The following COL19A1 variants were observed in gnomAD, a reference collection of about 807,000 sequenced individuals.
COL19A1 encodes collagen type XIX alpha 1 chain.
In COL19A1, 159 loss-of-function variants were observed where a neutral mutation model predicts 190.2. The observed-to-expected ratio is 0.84, with a 90% CI of 0.73 to 0.95. COL19A1 has a LOEUF of 0.95. Ranked by LOEUF, COL19A1 falls within the 40% of genes least tolerant of loss-of-function variation. COL19A1 has a pLI of 0.00. For synonymous variants in COL19A1, 509 were observed against 458.9 expected (o/e 1.11, Z -1.39); for missense variants, 1,418 against 1,431.9 (o/e 0.99, Z 0.16).
intron 17 of COL19A1, among the ~76,000 whole-genome samples, chr6:70,125,058 C>G (rs1401070021): frequency 6.6e-6 from 1 of 151,840 alleles, no homozygotes; most frequent in African/African-American, 2.4e-5. Flanking sequence ...TTTCCATTGG[C>G]ATTGTCTCCA....
chr6:70,127,625 C>T (rs956232788), intron 17 of COL19A1, among the ~76,000 whole-genome samples: 2 of 152,176 alleles, frequency 1.3e-5, no homozygotes, highest in Non-Finnish European at 2.9e-5. Flanking sequence ...CATGGACTCA[C>T]AATTCCATGT....
At chr6:69,898,776 C>T (rs1184179846) in intron 2 of COL19A1, among the ~76,000 whole-genome samples, 172 bp from the exon 3 acceptor site, 1 of 152,094 alleles carries the variant, frequency 6.6e-6, no homozygotes, top group Non-Finnish European at 1.5e-5. Context: ...CATAAGTAAC[C>T]ACATGTAACC....
rs1209731740 is a variant in COL19A1 at position 70,212,036 on chromosome 6, G to A, written c.*4762G>A. 6.6e-6 allele frequency among the ~76,000 whole-genome samples: 1 copy of A among 152,068 alleles called. No individual in the cohort carries two copies. The highest frequency in any genetic ancestry group is 6.6e-5 in the Admixed American group (1 of 15,244). Reference sequence around the variant, plus strand: ...AAGTGGGAGGCTTCACTAAATGAGGGGGTAAATAAGATTTAAGTTTATCAG... The same window carrying A: ...AAGTGGGAGGCTTCACTAAATGAGGAGGTAAATAAGATTTAAGTTTATCAG... On this transcript the variant is annotated 3_prime_UTR_variant, in exon 51 of 51. Transcript: ENST00000620364.
chr6:69,963,763 C>G (rs1774935212), intron 11 of COL19A1, among the ~76,000 whole-genome samples: 1 of 152,166 alleles, frequency 6.6e-6, no homozygotes, highest in Non-Finnish European at 1.5e-5. Flanking sequence ...TCTTACAAAA[C>G]TAAATTCTGG....
chr6:69,998,724 C>A (rs1257130872), intron 11 of COL19A1, among the ~76,000 whole-genome samples: 5 of 151,472 alleles, frequency 3.3e-5, no homozygotes, highest in African/African-American at 1.2e-4. Flanking sequence ...TCCTCTCACA[C>A]CTTAGTTCCC....
At chr6:69,982,535 G>A (rs1776093780) in intron 11 of COL19A1, among the ~76,000 whole-genome samples, 1 of 151,672 alleles carries the variant, frequency 6.6e-6, no homozygotes. Context: ...CACTGCACCT[G>A]GCCTACACTT....
chr6:70,173,429 G>A (rs1765615074), intron 41 of COL19A1, among the ~76,000 whole-genome samples: 1 of 152,156 alleles, frequency 6.6e-6, no homozygotes, highest in Non-Finnish European at 1.5e-5. Flanking sequence ...CAAAGAGCAA[G>A]GAAGACTAAG....
chr6:70,066,579 C>T (rs1328865706), intron 14 of COL19A1, among the ~76,000 whole-genome samples: 1 of 151,544 alleles, frequency 6.6e-6, no homozygotes, highest in Non-Finnish European at 1.5e-5. Flanking sequence ...CACATGTACC[C>T]TAGAACTTAA....
At chr6:70,105,694 G>T (rs1250022382) in intron 16 of COL19A1, among the ~76,000 whole-genome samples, 1 of 152,126 alleles carries the variant, frequency 6.6e-6, no homozygotes, top group Non-Finnish European at 1.5e-5. Context: ...AACAAGAGAC[G>T]GGTTGGTAGG....
At chr6:70,165,084 C>T (rs978628562) in intron 36 of COL19A1, among the ~76,000 whole-genome samples, 1 of 152,108 alleles carries the variant, frequency 6.6e-6, no homozygotes, top group Non-Finnish European at 1.5e-5. Flanking sequence ...TTAACCATGT[C>T]TTGCCATTTC....
At chr6:69,915,882 T>G (rs530611027) in intron 4 of COL19A1, among the ~76,000 whole-genome samples, 5 of 151,592 alleles carry the variant, frequency 3.3e-5, no homozygotes, top group Non-Finnish European at 7.4e-5. Context: ...CTAGTATACA[T>G]ACTGTTCTCA....
At chr6:70,047,810 G>T (rs1215108045) in intron 14 of COL19A1, among the ~76,000 whole-genome samples, 2 of 152,088 alleles carry the variant, frequency 1.3e-5, no homozygotes, top group Non-Finnish European at 2.9e-5. Context: ...GCAAGACAGG[G>T]ACTATGAGTG....
chr6:69,907,114 T>A (rs574522437), intron 4 of COL19A1, among the ~76,000 whole-genome samples: 1,895 of 146,130 alleles, frequency 0.013, 30 homozygotes, highest in African/African-American at 0.039. Context: ...ATTATTTTTT[T>A]TTTTTTTTTT....
At chr6:69,985,440 G>C (rs1776261841) in intron 11 of COL19A1, among the ~76,000 whole-genome samples, 1 of 152,128 alleles carries the variant, frequency 6.6e-6, no homozygotes, top group South Asian at 2.1e-4. Flanking sequence ...TGAAGGATGA[G>C]AGATGACTCA....
chr6:69,868,110 A>G (rs959327796), intron 1 of COL19A1, among the ~76,000 whole-genome samples: 4 of 151,216 alleles, frequency 2.6e-5, no homozygotes, highest in Non-Finnish European at 5.9e-5. Context: ...TCTATTTTCA[A>G]CCACCACCCC....
intron 14 of COL19A1, 62 bp from the exon 15 acceptor site, chr6:70,068,361 A>G: frequency 4.8e-6 from 5 of 1,039,686 alleles, no homozygotes; most frequent in Non-Finnish European, 7.6e-6. Context: ...TTTTCACAAC[A>G]TTCTTTGTGA....
intron 2 of COL19A1, among the ~76,000 whole-genome samples, chr6:69,882,479 T>A (rs1436976939): frequency 6.6e-6 from 1 of 152,190 alleles, no homozygotes; most frequent in Non-Finnish European, 1.5e-5. Flanking sequence ...ATTAGTTGCT[T>A]AAAACTCTTT....
intron 42 of COL19A1, among the ~76,000 whole-genome samples, 161 bp from the exon 43 acceptor site, chr6:70,180,151 G>A (rs1469881253): frequency 6.6e-6 from 1 of 152,176 alleles, no homozygotes; most frequent in Non-Finnish European, 1.5e-5. Flanking sequence ...GTCCCAAAGT[G>A]CTGGGATTCC....
intron 14 of COL19A1, among the ~76,000 whole-genome samples, chr6:70,053,288 T>C (rs1780311098): frequency 1.3e-5 from 2 of 152,226 alleles, no homozygotes; most frequent in Non-Finnish European, 2.9e-5. Flanking sequence ...AACATTCTGA[T>C]TGCTCCATTT....
Sources: gnomAD v4.1 joint callset for allele counts (sites outside exome capture counted in the v4.1 genomes callset) on GRCh38, gnomAD v4.1.1 for gene constraint, MANE v1.5 for transcripts, NCBI Gene and HGNC (gene_info 2026-07-23, HGNC 2026-07-21) for gene names.